The following TUBGCP3 variants were observed in gnomAD, a reference collection of about 807,000 sequenced individuals.
The protein encoded by TUBGCP3 is tubulin gamma complex component 3.
TUBGCP3 carries 50 observed loss-of-function variants against 123.1 expected under a neutral mutation model. That is an observed-to-expected ratio of 0.41 (90% CI 0.32 to 0.51). The LOEUF (loss-of-function observed/expected upper bound fraction) is 0.51, where lower values mean the gene tolerates loss of function less well. Ranked by LOEUF, TUBGCP3 falls within the 20% of genes least tolerant of loss-of-function variation. The pLI, the probability that TUBGCP3 is intolerant of heterozygous loss-of-function variation, is 0.36. For missense variants in TUBGCP3, 882 were observed against 1,127.0 expected (o/e 0.78, Z 3.11); for synonymous variants, 405 against 413.9 (o/e 0.98, Z 0.26).
At chr13:112,579,450 C>T (rs1248666091) in intron 1 of TUBGCP3, among the ~76,000 whole-genome samples, 1 of 150,800 alleles carries the variant, frequency 6.6e-6, no homozygotes, top group Non-Finnish European at 1.5e-5. Flanking sequence ...GCAGCTCTCC[C>T]ACACTGCTGA....
intron 6 of TUBGCP3, 75 bp from the exon 7 acceptor site, chr13:112,555,080 G>T: frequency 1.1e-6 from 1 of 916,414 alleles, no homozygotes; most frequent in Non-Finnish European, 1.7e-6. Context: ...GGTGCAATTA[G>T]CTTCAGATTA....
intron 1 of TUBGCP3, among the ~76,000 whole-genome samples, chr13:112,582,111 T>C (rs1403196057): frequency 1.3e-5 from 2 of 152,180 alleles, no homozygotes; most frequent in African/African-American, 4.8e-5. Context: ...CTAAAGAAAT[T>C]AGACATAGCA....
chr13:112,503,959 C>T, intron 19 of TUBGCP3, 73 bp downstream of exon 19: 2 of 1,517,112 alleles, frequency 1.3e-6, no homozygotes, highest in South Asian at 1.3e-5. Flanking sequence ...CTAAGATTCC[C>T]CCATTTGACA....
At chr13:112,543,294 G>A (rs2139158194) in intron 11 of TUBGCP3, among the ~76,000 whole-genome samples, 1 of 152,242 alleles carries the variant, frequency 6.6e-6, no homozygotes, top group Admixed American at 6.5e-5. Flanking sequence ...CAAAAGCTCT[G>A]AAAAACTTGA....
intron 1 of TUBGCP3, among the ~76,000 whole-genome samples, chr13:112,574,280 C>T (rs577211196): frequency 5.8e-4 from 87 of 149,246 alleles, no homozygotes; most frequent in South Asian, 1.9e-3. Flanking sequence ...GCTTCCCCTG[C>T]CCAATCCACA....
rs201961900 is a variant in TUBGCP3, at chr13:112,556,092, A to G, written c.681T>C (p.Ser227=). The G allele has an allele frequency of 1.8e-5, 29 of 1,613,968 alleles. No individual in the cohort carries two copies. The highest frequency in any genetic ancestry group is 1.6e-4 in the Middle Eastern group (1 of 6,084). ...CTCTCCTGGACCTTGTCATGTTGCG[A>G]GACACAGCACTGGGGACACCTTTTG... is the stretch of plus-strand genomic sequence containing the variant. ...TTSKGVPSAV[S]RNMTRSRREG... is the part of the protein sequence containing the mutation. The change falls in exon 6 of 22, where the codon TCT becomes TCC. Residue 227 remains serine, a synonymous_variant. Coordinates refer to ENST00000261965, the MANE Select transcript of TUBGCP3 (RefSeq NM_006322.6).
rs763441095 is a variant in TUBGCP3 at position 112,556,085 on chromosome 13, T to C, written c.688A>G (p.Met230Val). The C allele has an allele frequency of 3.7e-6, 6 of 1,614,070 alleles. No homozygotes were observed. In the East Asian group the frequency reaches 8.9e-5, roughly 24 times the overall value. The change falls in exon 6 of 22, where the codon ATG (methionine) becomes GTG (valine). Residue 230 changes from methionine to valine, a missense_variant. Transcript: ENST00000261965. The stretch of plus-strand genomic sequence containing the variant: ...TCCCCTTCTCTCCTGGACCTTGTCA[T>C]GTTGCGAGACACAGCACTGGGGACA... ...KGVPSAVSRN[M>V]TRSRREGDTG...
Position 112,565,150 on chromosome 13 carries a change from A to G in TUBGCP3, c.213T>C (p.Ala71=). Residue 71 remains alanine, a synonymous_variant, in exon 3 of 22, where the codon GCT becomes GCC. Transcript: ENST00000261965. ...TTCTGTGGAGTTCTGAAAATAATGC[A>G]GCATCTGCTTCTCTTCGTTGTCGAA... The part of the protein sequence containing the change: ...ELIRQRREAD[A]ALFSELHRKL... The G allele has an allele frequency of 6.2e-7, 1 of 1,613,742 alleles. No homozygotes were observed. The highest frequency in any genetic ancestry group is 1.1e-5 in the South Asian group (1 of 91,070).
intron 1 of TUBGCP3, among the ~76,000 whole-genome samples, chr13:112,571,071 C>T (rs894962482): frequency 2.0e-5 from 3 of 152,158 alleles, no homozygotes; most frequent in Non-Finnish European, 2.9e-5. Flanking sequence ...GGCTTGAACC[C>T]TCAAAGTCAT....
chr13:112,558,897 T>TGACATACTGCAGGGGAG (rs1266280807), intron 4 of TUBGCP3, among the ~76,000 whole-genome samples: 2 of 152,198 alleles, frequency 1.3e-5, no homozygotes, highest in Non-Finnish European at 2.9e-5. Context: ...GGAATCACTC[T>TGACATACTGCAGGGGAG]GACATACTGC....
At chr13:112,546,022 C>G in intron 10 of TUBGCP3, 157 bp from the exon 11 acceptor site, 1 of 718,788 alleles carries the variant, frequency 1.4e-6, no homozygotes. Context: ...GCAGCAGTAA[C>G]ATGTCATGAT....
intron 11 of TUBGCP3, among the ~76,000 whole-genome samples, chr13:112,541,926 TTTCTC>T (rs1878554610): frequency 6.6e-6 from 1 of 152,186 alleles, no homozygotes; most frequent in South Asian, 2.1e-4. Context: ...AAAGGTAAAC[TTTCTC>T]CTTTTTATAA....
chr13:112,533,568 A>C (rs560747423), intron 11 of TUBGCP3, among the ~76,000 whole-genome samples: 68 of 152,034 alleles, frequency 4.5e-4, no homozygotes, highest in African/African-American at 1.5e-3. Context: ...CTCTTCCTTC[A>C]ATTATAAATG....
At chr13:112,583,806 G>A (rs1031611180) in intron 1 of TUBGCP3, among the ~76,000 whole-genome samples, 2 of 152,176 alleles carry the variant, frequency 1.3e-5, no homozygotes, top group Non-Finnish European at 2.9e-5. Context: ...GAGGGGTCAG[G>A]AGGGCGTTGG....
chr13:112,591,822 T>A (rs1882888199), upstream of TUBGCP3, among the ~76,000 whole-genome samples: 2 of 152,218 alleles, frequency 1.3e-5, no homozygotes, highest in South Asian at 4.1e-4. Flanking sequence ...AGCTGAGAGA[T>A]TAGACCACTC....
chr13:112,489,476 T>G (rs574265064), intron 21 of TUBGCP3, 105 bp downstream of exon 21: 7 of 824,558 alleles, frequency 8.5e-6, no homozygotes, highest in African/African-American at 8.3e-5. Context: ...CAAATAAGTG[T>G]CAGACTGACA....
In TUBGCP3 at chr13:112,545,639, G is replaced by A. The variant is rs1014617190; in HGVS notation, c.1335+60C>T. 5 of 1,582,054 alleles carry A rather than the reference G, an allele frequency of 3.2e-6. No individual in the cohort carries two copies. The African/African-American group carries it at 5.4e-5, about 17-fold the overall frequency. ...TAATCATGAGGGGAAAAATGAAACA[G>A]CATAACTGCGTGCCCATGCTTTTTA... is the stretch of plus-strand genomic sequence containing the variant. On this transcript the variant is annotated intron_variant, in intron 11 of 21. Transcript: ENST00000261965. This position sits in a 1 kb window ranked among gnomAD's most constrained non-coding sequence, Gnocchi z 4.1.
chr13:112,593,779 A>G, the TUBGCP3 span, among the ~76,000 whole-genome samples: 8 of 152,276 alleles, frequency 5.3e-5, no homozygotes, highest in African/African-American at 1.9e-4. Flanking sequence ...AGGAAAACAA[A>G]CTGATCAGAT....
intron 1 of TUBGCP3, among the ~76,000 whole-genome samples, chr13:112,573,197 A>T (rs1219817739): frequency 2.0e-5 from 3 of 151,396 alleles, no homozygotes; most frequent in African/African-American, 7.3e-5. Context: ...GAGATTAGAC[A>T]TAACACATCC....
Sources: gnomAD v4.1 joint callset for allele counts (sites outside exome capture counted in the v4.1 genomes callset) on GRCh38, gnomAD v4.1.1 for gene constraint, Gnocchi (gnomAD v3.1) non-coding constraint, MANE v1.5 for transcripts, NCBI Gene and HGNC (gene_info 2026-07-23, HGNC 2026-07-21) for gene names.